RAD18: variants seen among roughly 807,000 people sequenced by gnomAD.
RAD18 encodes RAD18 E3 ubiquitin protein ligase, also known as E3 ubiquitin-protein ligase RAD18.
RAD18 carries 47 observed loss-of-function variants against 60.4 expected under a neutral mutation model. That is an observed-to-expected ratio of 0.78 (90% CI 0.62 to 0.99). The LOEUF is 0.99. Ranked by LOEUF, RAD18 falls within the 50% of genes least tolerant of loss-of-function variation. RAD18 has a pLI of 0.00. For synonymous variants in RAD18, 225 were observed against 195.5 expected, an observed-to-expected ratio of 1.15 and a Z score of -1.26; for missense variants, 640 against 593.3, an observed-to-expected ratio of 1.08 and a Z score of -0.82.
At position 8,945,361 on chromosome 3, in the gene RAD18, G is replaced by A. The variant is rs45515196; in HGVS notation, c.266+1859C>T. On this transcript the variant is annotated intron_variant, in intron 4 of 12. Transcript: ENST00000264926. ...TTCAACAAGAGACCAAATACACAGT[G>A]GTGGTTTCATTAGACGATAATGGAG... 6.0e-3 allele frequency among the ~76,000 whole-genome samples: 906 copies of A among 152,118 alleles called. 4 individuals carry two copies. The highest frequency in any genetic ancestry group is 0.021 in the African/African-American group (873 of 41,492).
intron 2 of RAD18, among the ~76,000 whole-genome samples, chr3:8,955,480 C>T (rs73022072): frequency 2.0e-5 from 3 of 152,120 alleles, no homozygotes; most frequent in Non-Finnish European, 4.4e-5. Flanking sequence ...TATAGCTCTG[C>T]GGCTTATCTT....
At chr3:8,927,878 G>A (rs1323741037) in intron 7 of RAD18, among the ~76,000 whole-genome samples, 1 of 151,528 alleles carries the variant, frequency 6.6e-6, no homozygotes, top group Non-Finnish European at 1.5e-5. Context: ...CTTGGACACA[G>A]GAAGAGGAAC....
At chr3:8,957,458 C>T (rs1941032860) in intron 2 of RAD18, among the ~76,000 whole-genome samples, 1 of 152,112 alleles carries the variant, frequency 6.6e-6, no homozygotes, top group South Asian at 2.1e-4. Context: ...GTGGTACTGG[C>T]ACAAGGATAG....
Position 8,963,407 on chromosome 3 carries a change from G to C in RAD18, c.-22C>G. ...CCATGGTCGCTCCCGAGGATGCTGG[G>C]GGTCAGCCACCCACTAGCCTCCGGC... is the stretch of plus-strand genomic sequence containing the variant. On this transcript the variant is annotated 5_prime_UTR_variant, in exon 1 of 13. Coordinates refer to ENST00000264926, the MANE Select transcript of RAD18 (RefSeq NM_020165.4). The C allele has an allele frequency of 6.3e-7, 1 of 1,576,790 alleles. No homozygotes were observed. Among genetic ancestry groups the C allele is most frequent in the African/African-American group, 1.4e-5 (1 of 73,186 alleles).
intron 2 of RAD18, among the ~76,000 whole-genome samples, chr3:8,956,614 G>A (rs190306315): frequency 4.4e-4 from 67 of 152,296 alleles, no homozygotes; most frequent in Non-Finnish European, 7.6e-4. Context: ...CTGTGAGGGA[G>A]TGAGGCCCTG....
intron 7 of RAD18, among the ~76,000 whole-genome samples, chr3:8,926,492 T>C (rs1192264941): frequency 6.6e-6 from 1 of 152,178 alleles, no homozygotes; most frequent in Non-Finnish European, 1.5e-5. Context: ...CCCAAGGTAA[T>C]TTATAGATTC....
intron 11 of RAD18, among the ~76,000 whole-genome samples, chr3:8,896,630 C>T (rs920018990): frequency 1.3e-5 from 2 of 152,216 alleles, no homozygotes; most frequent in African/African-American, 2.4e-5. Context: ...GTATGTCCCA[C>T]CTATTCAACT....
At chr3:8,949,015 T>A (rs1243869204) in intron 2 of RAD18, among the ~76,000 whole-genome samples, 2 of 152,222 alleles carry the variant, frequency 1.3e-5, no homozygotes, top group Non-Finnish European at 2.9e-5. Flanking sequence ...ATGTCCTCTG[T>A]CCCACATTTA....
At chr3:8,904,668 T>G (rs556596131) in intron 9 of RAD18, among the ~76,000 whole-genome samples, 45 of 152,178 alleles carry the variant, frequency 3.0e-4, no homozygotes, top group Non-Finnish European at 4.3e-4. Context: ...ATAATTATCT[T>G]GTATTTCTCT....
intron 8 of RAD18, among the ~76,000 whole-genome samples, chr3:8,913,139 A>AT (rs1190835473): frequency 6.6e-6 from 1 of 152,206 alleles, no homozygotes; most frequent in African/African-American, 2.4e-5. Flanking sequence ...AGTTTGGGGC[A>AT]TCAAGCTAGT....
rs530181950 is a variant in RAD18, at chr3:8,922,366, G to A, written c.890-8646C>T. On this transcript the variant is annotated intron_variant, in intron 7 of 12. Coordinates refer to ENST00000264926, the MANE Select transcript of RAD18 (RefSeq NM_020165.4). ...TAGCACAGCAGTCTGAGATCAAACT[G>A]CAAGGTGGCAGTGAGGCTGGGGGAG... is the stretch of plus-strand genomic sequence containing the variant. Among the ~76,000 whole-genome samples, 4 of 152,356 alleles carry A rather than the reference G, an allele frequency of 2.6e-5. No individual in the cohort carries two copies. In the East Asian group the frequency reaches 7.7e-4, roughly 29 times the overall value.
intron 2 of RAD18, among the ~76,000 whole-genome samples, chr3:8,956,010 G>A (rs1450075820): frequency 6.6e-6 from 1 of 152,056 alleles, no homozygotes; most frequent in Admixed American, 6.6e-5. Flanking sequence ...AAGAGATTAG[G>A]AACAATAACA....
At chr3:8,912,252 C>T (rs917044026) in intron 9 of RAD18, 60 bp downstream of exon 9, 11 of 1,263,964 alleles carry the variant, frequency 8.7e-6, no homozygotes, top group Admixed American at 2.6e-5. Context: ...TGAAAAATTA[C>T]TTAAGATGAA....
chr3:8,883,386 A>T (rs2125044534), intron 12 of RAD18, among the ~76,000 whole-genome samples: 1 of 152,274 alleles, frequency 6.6e-6, no homozygotes, highest in Non-Finnish European at 1.5e-5. Context: ...TTGTTTAGTG[A>T]CTTTTCTAAA....
At chr3:8,902,319 T>C in intron 10 of RAD18, 61 bp downstream of exon 10, 3 of 1,362,006 alleles carry the variant, frequency 2.2e-6, no homozygotes, top group Non-Finnish European at 1.9e-6. Flanking sequence ...GTTTAATTTT[T>C]TCATATTAAA....
chr3:8,956,007 T>C (rs1252432234), intron 2 of RAD18, among the ~76,000 whole-genome samples: 1 of 152,320 alleles, frequency 6.6e-6, no homozygotes, highest in East Asian at 1.9e-4. Flanking sequence ...AGTAAGAGAT[T>C]AGGAACAATA....
intron 12 of RAD18, among the ~76,000 whole-genome samples, chr3:8,883,978 C>A (rs1939514390): frequency 6.6e-6 from 1 of 152,036 alleles, no homozygotes; most frequent in Admixed American, 6.6e-5. Flanking sequence ...TTCCAGGGAA[C>A]CATTAGACAG....
At chr3:8,952,559 A>T (rs190876381) in intron 2 of RAD18, among the ~76,000 whole-genome samples, 22 of 152,350 alleles carry the variant, frequency 1.4e-4, no homozygotes, top group Admixed American at 6.5e-4. Context: ...AACAATTTTT[A>T]AAAAATTAAT....
chr3:8,961,362 G>A (rs17049856), intron 1 of RAD18, among the ~76,000 whole-genome samples: 34,722 of 152,074 alleles, frequency 0.23, 6,172 homozygotes, highest in African/African-American at 0.5. Flanking sequence ...GTGGAAAAAC[G>A]TAATAATTAC....
Sources: allele counts gnomAD v4.1 joint callset (sites outside exome capture counted in the v4.1 genomes callset), GRCh38; gene constraint gnomAD v4.1.1; transcripts MANE v1.5; gene names NCBI Gene and HGNC (gene_info 2026-07-23, HGNC 2026-07-21).